Variants in FASTKD1 observed in about 807,000 individuals in gnomAD.
The protein encoded by FASTKD1 is FAST kinase domains 1.
Under a neutral mutation model 90.9 loss-of-function variants are expected in FASTKD1, and 94 were observed. The observed-to-expected ratio is 1.03, with a 90% CI of 0.88 to 1.23. The LOEUF is 1.23. FASTKD1 is among the 50% of genes most tolerant of loss of function. The pLI, the probability that FASTKD1 is intolerant of heterozygous loss-of-function variation, is 0.00. For missense variants in FASTKD1, 945 were observed against 993.5 expected (o/e 0.95, Z 0.66); for synonymous variants, 319 against 345.8 (o/e 0.92, Z 0.86).
intron 3 of FASTKD1, 110 bp downstream of exon 3, chr2:169,569,074 T>C: frequency 2.3e-6 from 2 of 852,694 alleles, no homozygotes; most frequent in Non-Finnish European, 3.9e-6. Context: ...ATACATTTTT[T>C]TCAGTGAAGC....
intron 12 of FASTKD1, among the ~76,000 whole-genome samples, chr2:169,535,562 C>T (rs1011558677): frequency 1.1e-4 from 17 of 152,120 alleles, no homozygotes; most frequent in African/African-American, 3.9e-4. Context: ...CCTCAGCCTC[C>T]CAAAGTGCTG....
chr2:169,553,287 A>AAAAAAC (rs1473128630), intron 7 of FASTKD1, among the ~76,000 whole-genome samples: 13 of 149,906 alleles, frequency 8.7e-5, no homozygotes, highest in Non-Finnish European at 1.6e-4. Flanking sequence ...AAAAAAAAAA[A>AAAAAAC]AACCCACTGT....
chr2:169,547,494 T>C (rs1286326816), intron 7 of FASTKD1, among the ~76,000 whole-genome samples: 1 of 152,146 alleles, frequency 6.6e-6, no homozygotes, highest in African/African-American at 2.4e-5. Context: ...ATACCCAACA[T>C]TGTTAACAAA....
chr2:169,539,903 C>T, intron 10 of FASTKD1, 148 bp downstream of exon 10: 1 of 436,340 alleles, frequency 2.3e-6, no homozygotes, highest in South Asian at 8.7e-5. Flanking sequence ...TATTTTATTC[C>T]TGTGTTTTCC....
chr2:169,533,297 T>A (rs1468301277), intron 12 of FASTKD1, among the ~76,000 whole-genome samples: 2 of 152,202 alleles, frequency 1.3e-5, no homozygotes, highest in Non-Finnish European at 2.9e-5. Flanking sequence ...CCTGAAATGA[T>A]GTCTGTGATT....
intron 12 of FASTKD1, among the ~76,000 whole-genome samples, chr2:169,532,855 G>C (rs1372443123): frequency 6.6e-5 from 10 of 152,096 alleles, no homozygotes; most frequent in African/African-American, 2.4e-4. Flanking sequence ...AGACGTATGA[G>C]GAATAGGTTC....
chr2:169,531,111 T>C (rs1213157875), intron 13 of FASTKD1: 1 of 732,970 alleles, frequency 1.4e-6, no homozygotes. Flanking sequence ...GAAGATACTA[T>C]TTTACTTCCA....
At chr2:169,544,302 G>C (rs1252529138) in intron 9 of FASTKD1, among the ~76,000 whole-genome samples, 1 of 152,142 alleles carries the variant, frequency 6.6e-6, no homozygotes, top group South Asian at 2.1e-4. Flanking sequence ...GGGCGCAGTG[G>C]CTCACACCTG....
At position 169,572,041 on chromosome 2, in the gene FASTKD1, G is replaced by GT; in HGVS notation, c.-13dup. The GT allele has an allele frequency of 1.3e-6, 2 of 1,550,994 alleles. No individual in the cohort carries two copies. The highest frequency in any genetic ancestry group is 2.4e-5 in the South Asian group (2 of 81,820). On this transcript the variant is annotated 5_prime_UTR_variant, in exon 2 of 15. Transcript: ENST00000453153. ...GGTGTTTTTTTCATTTATATCACAA[G>GT]TTTTCTTAGGTAAACAAAACCATCT... is the stretch of plus-strand genomic sequence containing the variant.
At chr2:169,567,419 G>A (rs1161083907) in intron 3 of FASTKD1, among the ~76,000 whole-genome samples, 2 of 152,110 alleles carry the variant, frequency 1.3e-5, no homozygotes, top group Admixed American at 1.3e-4. Context: ...TTAGCAAAAG[G>A]AATAAGATTA....
chr2:169,529,719 C>T lies in FASTKD1; in HGVS notation c.*106G>A. The T allele has an allele frequency of 1.4e-6, 1 of 715,542 alleles. No homozygotes were observed. The highest frequency in any genetic ancestry group is 1.9e-5 in the South Asian group (1 of 52,862). 44.3% of individuals were successfully genotyped at this position (715,542 alleles called of 1,614,324 possible). On this transcript the variant is annotated 3_prime_UTR_variant, in exon 15 of 15. Coordinates refer to ENST00000453153, the MANE Select transcript of FASTKD1 (RefSeq NM_024622.6). ...CTTTGTTATTCTCAAACATGCCAGG[C>T]ATGTTCCCACCTTAGGACATTTGTA... is the stretch of plus-strand genomic sequence containing the variant.
intron 7 of FASTKD1, among the ~76,000 whole-genome samples, chr2:169,547,102 C>T (rs1167775000): frequency 1.3e-5 from 2 of 152,220 alleles, no homozygotes; most frequent in East Asian, 3.8e-4. Context: ...ATGACCTCCT[C>T]TTTGGGTTTG....
intron 9 of FASTKD1, among the ~76,000 whole-genome samples, chr2:169,540,972 A>C (rs1021420648): frequency 1.3e-5 from 2 of 152,360 alleles, no homozygotes; most frequent in South Asian, 4.1e-4. Flanking sequence ...GACATTTCTA[A>C]TGTGGCGGAA....
chr2:169,557,534 T>C (rs1188264491), intron 5 of FASTKD1, among the ~76,000 whole-genome samples: 2 of 152,032 alleles, frequency 1.3e-5, no homozygotes, highest in East Asian at 3.8e-4. Context: ...TCTTAAACTG[T>C]TTGAAAAATA....
rs759629740 is a variant in FASTKD1, at chr2:169,557,318, GT to G, written c.972-22del. ...TAAGTCTAGAAGCAAAAAAAAAAAA[GT>G]TTTTGGTTGAAAGACTGAAAATTAG... On this transcript the variant is annotated intron_variant, in intron 5 of 14. Transcript: ENST00000453153. 39 of 1,362,630 alleles carry G rather than the reference GT, an allele frequency of 2.9e-5. No individual in the cohort carries two copies. The South Asian group carries it at 3.7e-4, about 13-fold the overall frequency. 84.4% of individuals were successfully genotyped at this position (1,362,630 alleles called of 1,614,324 possible).
intron 5 of FASTKD1, among the ~76,000 whole-genome samples, chr2:169,558,460 G>GT (rs1683428914): frequency 6.7e-6 from 1 of 149,866 alleles, no homozygotes; most frequent in Non-Finnish European, 1.5e-5. Context: ...TTTTTTGTTT[G>GT]TTTTTTGAGA....
At chr2:169,534,463 C>CTTTTTTTTTTTT (rs1210482307) in intron 12 of FASTKD1, among the ~76,000 whole-genome samples, 2 of 110,670 alleles carry the variant, frequency 1.8e-5, no homozygotes, top group Non-Finnish European at 3.6e-5. Flanking sequence ...TTTTTTTTTT[C>CTTTTTTTTTTTT]TTTTTTTTTT....
At chr2:169,572,759 A>AAT (rs1684290097) in intron 1 of FASTKD1, among the ~76,000 whole-genome samples, 1 of 152,144 alleles carries the variant, frequency 6.6e-6, no homozygotes, top group Admixed American at 6.6e-5. Context: ...CCAATCAAGA[A>AAT]ATACTAAGAA....
chr2:169,547,549 C>G (rs1685259513), intron 7 of FASTKD1, among the ~76,000 whole-genome samples: 1 of 151,982 alleles, frequency 6.6e-6, no homozygotes, highest in Admixed American at 6.6e-5. Flanking sequence ...GTAACTAGGA[C>G]AAAAGCCAAT....
Sources: gnomAD v4.1 joint callset for allele counts (sites outside exome capture counted in the v4.1 genomes callset) on GRCh38, gnomAD v4.1.1 for gene constraint, MANE v1.5 for transcripts, NCBI Gene and HGNC (gene_info 2026-07-23, HGNC 2026-07-21) for gene names.